Variants in STON2 observed in about 807,000 individuals in gnomAD.
STON2 encodes stonin-2.
Under a neutral mutation model 65.7 loss-of-function variants are expected in STON2, and 29 were observed. The observed-to-expected ratio is 0.44, with a 90% CI of 0.33 to 0.60. STON2 has a LOEUF of 0.60. Among genes scored for constraint, STON2 ranks in the 20% least tolerant of loss-of-function variants. STON2 has a pLI of 0.03. For synonymous variants in STON2, 404 were observed against 414.2 expected (o/e 0.98, Z 0.30); for missense variants, 1,054 against 1,118.1 (o/e 0.94, Z 0.82).
chr14:81,303,712 C>T (rs1450965606), intron 5 of STON2, among the ~76,000 whole-genome samples: 1 of 152,186 alleles, frequency 6.6e-6, no homozygotes, highest in Non-Finnish European at 1.5e-5. Context: ...TTCATTAACC[C>T]TATGACAACC....
chr14:81,410,743 A>C (rs79456556), intron 2 of STON2, among the ~76,000 whole-genome samples: 9,611 of 152,204 alleles, frequency 0.063, 515 homozygotes, highest in African/African-American at 0.14. Context: ...TAAACCAAGA[A>C]AATCTCTGAT....
intron 4 of STON2, among the ~76,000 whole-genome samples, chr14:81,330,117 T>G (rs1031780509): frequency 3.3e-5 from 5 of 152,210 alleles, no homozygotes. Context: ...TAAAAACATC[T>G]ACACTCTCTG....
Position 81,297,774 on chromosome 14 carries a change from C to T in STON2, c.743-19035G>A, listed in dbSNP as rs1410601730. 2.0e-5 allele frequency among the ~76,000 whole-genome samples: 3 copies of T among 152,360 alleles called. No homozygotes were observed. The East Asian group carries it at 5.8e-4, about 29-fold the overall frequency. On this transcript the variant is annotated intron_variant, in intron 5 of 7. Transcript: ENST00000614646. ...AACTGGCCAGCTGGGCACAGTGGCT[C>T]ACGCCTGTAATCCCAGCACTTCGGG... is the stretch of plus-strand genomic sequence containing the variant.
At chr14:81,276,508 A>T (rs1307214457) in intron 6 of STON2, among the ~76,000 whole-genome samples, 3 of 152,138 alleles carry the variant, frequency 2.0e-5, no homozygotes, top group Admixed American at 2.0e-4. Context: ...TGGCCCTTTT[A>T]CCTACATCGA....
intron 4 of STON2, among the ~76,000 whole-genome samples, chr14:81,342,937 C>T (rs750308840): frequency 5.9e-5 from 9 of 152,198 alleles, no homozygotes; most frequent in Non-Finnish European, 1.2e-4. Context: ...CTGCTTTCCA[C>T]TGGCCCCAAC....
chr14:81,354,493 GAAAC>G (rs1010576680), intron 4 of STON2, among the ~76,000 whole-genome samples: 2 of 152,056 alleles, frequency 1.3e-5, no homozygotes, highest in African/African-American at 2.4e-5. Context: ...ACCTCCAAAA[GAAAC>G]AAACAAAGCT....
rs1238278474 is a variant in STON2, at chr14:81,398,633, A to G, written c.-198-53T>C. 8 of 396,246 alleles carry G rather than the reference A, an allele frequency of 2.0e-5. No individual in the cohort carries two copies. In the East Asian group the frequency reaches 3.3e-4, roughly 17 times the overall value. 24.5% of individuals were successfully genotyped at this position (396,246 alleles called of 1,614,324 possible). On this transcript the variant is annotated intron_variant, in intron 1 of 7. Coordinates refer to ENST00000614646, the MANE Select transcript of STON2 (RefSeq NM_001394390.1). ...TTAAAAAGGATAACCATCACATTAC[A>G]CTGAATCCACATAGGTCTAGGGCTT...
At chr14:81,377,555 G>A (rs1899311868) in intron 3 of STON2, among the ~76,000 whole-genome samples, 1 of 152,142 alleles carries the variant, frequency 6.6e-6, no homozygotes, top group Admixed American at 6.5e-5. Flanking sequence ...GGGTCATACG[G>A]TAATTGCACG....
At chr14:81,300,449 A>G (rs1895928201) in intron 5 of STON2, among the ~76,000 whole-genome samples, 2 of 152,298 alleles carry the variant, frequency 1.3e-5, no homozygotes, top group Non-Finnish European at 2.9e-5. Context: ...TACTTCATCA[A>G]TTTATCAAGA....
rs374872191 is a variant in STON2 at position 81,318,704 on chromosome 14, A to G, written c.742+5313T>C. The stretch of plus-strand genomic sequence containing the variant: ...CATCTCTAGTGAAAATACAAAAATT[A>G]GTCAGGTGTGGTGGCCGGTGCCTGT... On this transcript the variant is annotated intron_variant, in intron 5 of 7. Coordinates refer to ENST00000614646, the MANE Select transcript of STON2 (RefSeq NM_001394390.1). Among the ~76,000 whole-genome samples, 3 of 152,316 alleles carry G rather than the reference A, an allele frequency of 2.0e-5. No homozygotes were observed. The East Asian group carries it at 5.8e-4, about 29-fold the overall frequency.
intron 4 of STON2, among the ~76,000 whole-genome samples, chr14:81,362,457 G>C (rs1898536165): frequency 2.0e-5 from 3 of 152,184 alleles, no homozygotes; most frequent in Non-Finnish European, 4.4e-5. Flanking sequence ...GTAAAAAGTA[G>C]AATGGTGGTT....
intron 4 of STON2, among the ~76,000 whole-genome samples, chr14:81,332,503 T>C (rs77760788): frequency 0.013 from 1,930 of 152,292 alleles, 37 homozygotes; most frequent in African/African-American, 0.044. Context: ...AAGAAGGCAT[T>C]ATTACTCAGA....
chr14:81,354,344 T>C (rs1269664044), intron 4 of STON2, among the ~76,000 whole-genome samples: 1 of 152,172 alleles, frequency 6.6e-6, no homozygotes, highest in East Asian at 1.9e-4. Context: ...TTACCAGCTG[T>C]CCTATCGGAA....
chr14:81,270,550 T>C (rs1894533237), intron 7 of STON2, 120 bp downstream of exon 7: 1 of 1,592,262 alleles, frequency 6.3e-7, no homozygotes, highest in African/African-American at 1.3e-5. Context: ...GAACTTCCTC[T>C]AAGGCAGTAA....
Position 81,284,498 on chromosome 14 carries a change from GA to G in STON2, c.743-5760del, listed in dbSNP as rs778564701. On this transcript the variant is annotated intron_variant, in intron 5 of 7. Transcript: ENST00000614646. ...AGTGGAAAGAGGTGAGGAAATTGCA[GA>G]AAAAATAAATAAATAAATAAAGCTA... is the stretch of plus-strand genomic sequence containing the variant. Among the ~76,000 whole-genome samples the G allele has an allele frequency of 2.6e-5, 4 of 152,200 alleles. No homozygotes were observed. In the East Asian group the frequency reaches 5.8e-4, roughly 22 times the overall value.
chr14:81,389,181 T>C lies in STON2; in HGVS notation c.373+6713A>G, dbSNP rs565701427. 5.3e-5 allele frequency among the ~76,000 whole-genome samples: 8 copies of C among 152,330 alleles called. No individual in the cohort carries two copies. The South Asian group carries it at 1.7e-3, about 32-fold the overall frequency. On this transcript the variant is annotated intron_variant, in intron 3 of 7. Transcript: ENST00000614646. ...AAACACTGCAACTATACATTATATA[T>C]AGGAAAGAGTCAGTTTGCTCCAGTG...
At chr14:81,395,754 T>G in intron 3 of STON2, 140 bp downstream of exon 3, 1 of 805,762 alleles carries the variant, frequency 1.2e-6, no homozygotes, top group Non-Finnish European at 2.0e-6. Context: ...AGATGAGAAC[T>G]CCGTCTGCTC....
chr14:81,261,635 C>A lies in STON2; in HGVS notation c.*6779G>T, dbSNP rs7153668. The A allele has an allele frequency of 0.11, 85,128 of 794,876 alleles. 5,099 individuals carry two copies. The highest frequency in any genetic ancestry group is 0.19 in the African/African-American group (10,867 of 56,206). The allele number at this position is 794,876 out of a possible 1,614,324, so 49.2% of individuals were successfully genotyped here. A position where few individuals can be genotyped will look rare whatever the true frequency, so the allele number is the denominator to read the frequency against. On this transcript the variant is annotated 3_prime_UTR_variant, in exon 8 of 8. Coordinates refer to ENST00000614646, the MANE Select transcript of STON2 (RefSeq NM_001394390.1). ...ACTGAGTGTCCTCCTTCAATTTTCA[C>A]AATATTTTATACAAAATGACAAATA...
intron 3 of STON2, among the ~76,000 whole-genome samples, chr14:81,376,936 A>C (rs1400899304): frequency 5.3e-5 from 8 of 152,306 alleles, no homozygotes; most frequent in African/African-American, 1.9e-4. Flanking sequence ...CCCGTCCTCT[A>C]ATAGAATATT....
Sources: gnomAD v4.1 joint callset for allele counts (sites outside exome capture counted in the v4.1 genomes callset) on GRCh38, gnomAD v4.1.1 for gene constraint, MANE v1.5 for transcripts, NCBI Gene and HGNC (gene_info 2026-07-23, HGNC 2026-07-21) for gene names.